The following NHSL2 variants were observed in gnomAD, a reference collection of about 807,000 sequenced individuals.
NHSL2 encodes the protein NHS-like protein 2.
NHSL2 carries 27 observed loss-of-function variants against 53.4 expected under a neutral mutation model. The observed-to-expected ratio is 0.51, with a 90% CI of 0.37 to 0.70. The LOEUF (loss-of-function observed/expected upper bound fraction) is 0.70, where lower values mean the gene tolerates loss of function less well. Among genes scored for constraint, NHSL2 ranks in the 30% least tolerant of loss-of-function variants. The pLI, the probability that NHSL2 is intolerant of heterozygous loss-of-function variation, is 0.00. For synonymous variants in NHSL2, 408 were observed against 404.1 expected, an observed-to-expected ratio of 1.01 and a Z score of -0.12; for missense variants, 892 against 980.1, an observed-to-expected ratio of 0.91 and a Z score of 1.20.
intron 1 of NHSL2, among the ~76,000 whole-genome samples, chrX:72,065,520 A>C (rs1240837279): frequency 1.8e-5 from 2 of 111,325 alleles, no homozygotes; most frequent in Non-Finnish European, 3.8e-5. Flanking sequence ...GGGTGATGGG[A>C]TTTGGGCTGA....
chrX:71,925,373 A>G (rs2041679465), intron 1 of NHSL2, among the ~76,000 whole-genome samples: 1 of 109,148 alleles, frequency 9.2e-6, no homozygotes, highest in Admixed American at 9.7e-5. Context: ...TGCTCAATAC[A>G]TATTTTCTGA....
At chrX:71,935,910 C>T (rs1441474222) in intron 1 of NHSL2, among the ~76,000 whole-genome samples, 1 of 111,711 alleles carries the variant, frequency 9.0e-6, no homozygotes, top group Non-Finnish European at 1.9e-5. Context: ...GAATCTCACT[C>T]CTGCCTGGAA....
In NHSL2 at chrX:72,140,451, A is replaced by C; in HGVS notation, c.2903A>C (p.Gln968Pro). The C allele has an allele frequency of 1.7e-6, 2 of 1,209,273 alleles. No individual in the cohort carries two copies. The highest frequency in any genetic ancestry group is 2.2e-6 in the Non-Finnish European group (2 of 894,104). ...TTCTCAGGAACACAGCAGCCTCCCC[A>C]GGGAAGTGTAGAGGACGAGGGCCCC... is the stretch of plus-strand genomic sequence containing the variant. ...AFFSGTQQPP[Q>P]GSVEDEGPKV... is the part of the protein sequence containing the mutation. The change falls in exon 6 of 8, where the codon CAG becomes CCG. Residue 968 changes from glutamine (Q) to proline (P), a missense_variant. Transcript: ENST00000633930.
In NHSL2 at chrX:72,143,303, G is replaced by A. The variant is rs2042434346; in HGVS notation, c.3407G>A (p.Gly1136Asp). ...GWKEPGEAFV[G>D]GRTSSHSPIK... The stretch of plus-strand genomic sequence containing the variant: ...AAGGAACCTGGTGAGGCCTTTGTGG[G>A]TGGCAGAACGAGTTCCCACTCACCA... Residue 1136 changes from glycine to aspartate, a missense_variant, in exon 8 of 8, where the codon GGT becomes GAT. Coordinates refer to ENST00000633930, the MANE Select transcript of NHSL2 (RefSeq NM_001013627.3). 8 of 1,166,192 alleles carry A rather than the reference G, an allele frequency of 6.9e-6. No individual in the cohort carries two copies. In the Admixed American group the frequency reaches 1.8e-4, roughly 26 times the overall value.
chrX:72,087,545 T>C (rs2041859301), intron 1 of NHSL2, among the ~76,000 whole-genome samples: 1 of 112,747 alleles, frequency 8.9e-6, no homozygotes, highest in East Asian at 2.8e-4. Context: ...TTTAAAAAGG[T>C]GTGAGAGACT....
rs979755226 is a variant in NHSL2 at position 72,148,163 on chromosome X, A to G, written c.*4589A>G. On this transcript the variant is annotated 3_prime_UTR_variant, in exon 8 of 8. Transcript: ENST00000633930. ...TCATATTGTACATTGACATTTTTAC[A>G]TAAATGGAATTAATACTACTTACCA... The G allele has an allele frequency of 2.9e-4, 32 of 112,215 alleles. 1 individual carries two copies. In the Admixed American group the frequency reaches 2.9e-3, roughly 10 times the overall value. 9.2% of individuals were successfully genotyped at this position (112,215 alleles called of 1,213,427 possible).
intron 1 of NHSL2, among the ~76,000 whole-genome samples, chrX:71,928,791 A>G (rs1275519468): frequency 9.0e-6 from 1 of 111,402 alleles, no homozygotes; most frequent in Non-Finnish European, 1.9e-5. Flanking sequence ...CATAGCATAG[A>G]TAGGGAAACT....
At chrX:71,921,247 C>T (rs377619145) in intron 1 of NHSL2, among the ~76,000 whole-genome samples, 18 of 108,301 alleles carry the variant, frequency 1.7e-4, no homozygotes, top group African/African-American at 5.3e-4. Context: ...GGTGAAACTC[C>T]GTCTCTACTA....
intron 1 of NHSL2, among the ~76,000 whole-genome samples, chrX:71,913,853 C>T (rs939717697): frequency 3.6e-5 from 4 of 112,040 alleles, no homozygotes; most frequent in South Asian, 7.5e-4. Flanking sequence ...AGAGGAGGAG[C>T]GAGATAGAGG....
In NHSL2 at chrX:72,139,339, G is replaced by A. The variant is rs768473022; in HGVS notation, c.1791G>A (p.Arg597=). ...GGTCAGCACTACCCAAGGACCAGAG[G>A]CCCAAGAGCCTTTGCCTCTCCTTGG... ...EGGSALPKDQ[R]PKSLCLSLEH... Residue 597 remains arginine, a synonymous_variant, in exon 6 of 8, where the codon AGG becomes AGA. Transcript: ENST00000633930. 14 of 1,209,748 alleles carry A rather than the reference G, an allele frequency of 1.2e-5. No individual in the cohort carries two copies. The highest frequency in any genetic ancestry group is 1.7e-5 in the African/African-American group (1 of 57,743).
intron 1 of NHSL2, among the ~76,000 whole-genome samples, chrX:72,077,380 G>A (rs912488008): frequency 2.7e-5 from 3 of 110,703 alleles, no homozygotes; most frequent in Non-Finnish European, 1.9e-5. Flanking sequence ...GGTACAGAGC[G>A]AGGTTGGAAA....
rs977164293 is a variant in NHSL2 at position 72,076,201 on chromosome X, G to A, written c.281-55878G>A. Among the ~76,000 whole-genome samples, 9 of 111,227 alleles carry A rather than the reference G, an allele frequency of 8.1e-5. No individual in the cohort carries two copies. In the South Asian group the frequency reaches 1.5e-3, roughly 19 times the overall value. On this transcript the variant is annotated intron_variant, in intron 1 of 7. Coordinates refer to ENST00000633930, the MANE Select transcript of NHSL2 (RefSeq NM_001013627.3). ...GCCTGCCTTGGCCTCCCAAAGTGCC[G>A]GGATTATAGATGTGAGCCACCGAGC...
At chrX:71,970,111 T>C (rs2041918957) in intron 1 of NHSL2, among the ~76,000 whole-genome samples, 1 of 112,191 alleles carries the variant, frequency 8.9e-6, no homozygotes, top group Non-Finnish European at 1.9e-5. Context: ...TAAATCTCTT[T>C]TGTTCATGTA....
At position 72,140,600 on chromosome X, in the gene NHSL2, C is replaced by G; in HGVS notation, c.3052C>G (p.Pro1018Ala). The change falls in exon 6 of 8, where the codon CCC becomes GCC. Residue 1018 changes from proline to alanine, a missense_variant. Physicochemically the swap from Pro to Ala is conservative, Grantham distance 27. Transcript: ENST00000633930. The stretch of plus-strand genomic sequence containing the variant: ...CGTGCTGTACCTGCCTCTCACTTCT[C>G]CCACAGCTCAAATGGAGGCCTATGT... ...PSVLYLPLTS[P>A]TAQMEAYVAE... 3 of 1,211,978 alleles carry G rather than the reference C, an allele frequency of 2.5e-6. No homozygotes were observed. The highest frequency in any genetic ancestry group is 3.4e-6 in the Non-Finnish European group (3 of 895,375).
At chrX:71,969,740 C>G (rs780381442) in intron 1 of NHSL2, among the ~76,000 whole-genome samples, 1 of 112,684 alleles carries the variant, frequency 8.9e-6, no homozygotes, top group South Asian at 3.6e-4. Context: ...GATAGTTTTA[C>G]TTCTTCCTTT....
At chrX:71,911,470 GCCCCT>G (rs1172333047) in intron 1 of NHSL2, 103 bp downstream of exon 1, 14 of 721,689 alleles carry the variant, frequency 1.9e-5, no homozygotes, top group South Asian at 4.5e-5. Flanking sequence ...GCCTCTCTCC[GCCCCT>G]CCCCTCCCCT....
At chrX:72,001,063 T>A (rs1290192205) in intron 1 of NHSL2, among the ~76,000 whole-genome samples, 1 of 112,089 alleles carries the variant, frequency 8.9e-6, no homozygotes, top group Admixed American at 9.4e-5. Context: ...TTGCCACACA[T>A]CTCTGTGCTC....
At chrX:72,008,828 A>G (rs2042104377) in intron 1 of NHSL2, among the ~76,000 whole-genome samples, 1 of 111,898 alleles carries the variant, frequency 8.9e-6, no homozygotes, top group Non-Finnish European at 1.9e-5. Context: ...ACCCTAGTCC[A>G]TGCCACCATC....
At chrX:72,032,715 C>G (rs1329544586) in intron 1 of NHSL2, among the ~76,000 whole-genome samples, 1 of 110,653 alleles carries the variant, frequency 9.0e-6, no homozygotes, top group African/African-American at 3.3e-5. Flanking sequence ...AAAAATTATC[C>G]TGGCGTGGTG....
Sources: allele counts gnomAD v4.1 joint callset (sites outside exome capture counted in the v4.1 genomes callset), GRCh38; gene constraint gnomAD v4.1.1; transcripts MANE v1.5; gene names NCBI Gene and HGNC (gene_info 2026-07-23, HGNC 2026-07-21).